The following CDK17 variants were observed in gnomAD, a reference collection of about 807,000 sequenced individuals.
The protein encoded by CDK17 is cyclin-dependent kinase 17.
A neutral mutation model predicts 77.6 loss-of-function variants in CDK17; 24 were observed. The observed-to-expected ratio is 0.31, with a 90% CI of 0.22 to 0.44. The LOEUF is 0.44. CDK17 is among the 20% of genes least tolerant of loss of function. The pLI is 1.00. For missense variants in CDK17, 429 were observed against 622.5 expected, an observed-to-expected ratio of 0.69 and a Z score of 3.31; for synonymous variants, 203 against 210.4, an observed-to-expected ratio of 0.96 and a Z score of 0.30.
intron 1 of CDK17, among the ~76,000 whole-genome samples, chr12:96,356,762 A>G (rs763338203): frequency 5.6e-4 from 86 of 152,262 alleles, no homozygotes; most frequent in Admixed American, 2.7e-3. Flanking sequence ...CATCATTTGT[A>G]TAAATAATCC....
chr12:96,354,817 G>A (rs1953369705), intron 1 of CDK17, among the ~76,000 whole-genome samples: 1 of 152,086 alleles, frequency 6.6e-6, no homozygotes, highest in Non-Finnish European at 1.5e-5. Flanking sequence ...CCAGAAGTTT[G>A]AGACTGCAAT....
Position 96,297,732 on chromosome 12 carries a change from G to C in CDK17, c.716-11C>G. Reference sequence around the variant, plus strand: ...CCTTTAATAGTGAAACTGCAAAACAGAAAAAGAAAATTGTTTAGTCTGTGG... The same window carrying C: ...CCTTTAATAGTGAAACTGCAAAACACAAAAAGAAAATTGTTTAGTCTGTGG... On this transcript the variant is annotated splice_polypyrimidine_tract_variant and intron_variant, in intron 7 of 16. Coordinates refer to ENST00000261211, the MANE Select transcript of CDK17 (RefSeq NM_002595.5). 3 of 1,421,602 alleles carry C rather than the reference G, an allele frequency of 2.1e-6. No homozygotes were observed. The highest frequency in any genetic ancestry group is 3.0e-6 in the Non-Finnish European group (3 of 1,015,098). The allele number at this position is 1,421,602 out of a possible 1,614,324, so 88.1% of individuals were successfully genotyped here.
intron 1 of CDK17, among the ~76,000 whole-genome samples, chr12:96,343,128 G>C (rs574301272): frequency 6.6e-6 from 1 of 152,304 alleles, no homozygotes; most frequent in African/African-American, 2.4e-5. Context: ...TATGACACTT[G>C]AGGTGTAAAA....
At chr12:96,355,994 T>C (rs1419984780) in intron 1 of CDK17, among the ~76,000 whole-genome samples, 1 of 152,214 alleles carries the variant, frequency 6.6e-6, no homozygotes, top group African/African-American at 2.4e-5. Flanking sequence ...GGTTTTCTCC[T>C]ATATATTAAA....
chr12:96,347,494 G>C (rs1372356998), intron 1 of CDK17, among the ~76,000 whole-genome samples: 1 of 150,146 alleles, frequency 6.7e-6, no homozygotes, highest in Non-Finnish European at 1.5e-5. Flanking sequence ...TTGAAGTTGG[G>C]AGGCAGAGTT....
At chr12:96,308,764 T>TAATAAC (rs1449272985) in intron 5 of CDK17, among the ~76,000 whole-genome samples, 9 of 148,934 alleles carry the variant, frequency 6.0e-5, no homozygotes, top group African/African-American at 1.7e-4. Flanking sequence ...ATAATAATAA[T>TAATAAC]AATGTAAAAA....
chr12:96,368,068 C>T (rs985584559), intron 1 of CDK17, among the ~76,000 whole-genome samples: 1 of 151,520 alleles, frequency 6.6e-6, no homozygotes, highest in African/African-American at 2.4e-5. Context: ...TTCATCTAGG[C>T]TGCATCTATA....
At chr12:96,297,968 A>G (rs1460631401) in intron 7 of CDK17, among the ~76,000 whole-genome samples, 1 of 151,892 alleles carries the variant, frequency 6.6e-6, no homozygotes, top group Admixed American at 6.6e-5. Context: ...AGTTTAAAGC[A>G]ATAATTTACC....
intron 1 of CDK17, among the ~76,000 whole-genome samples, chr12:96,338,197 G>A (rs1592737509): frequency 6.6e-6 from 1 of 152,174 alleles, no homozygotes. Flanking sequence ...AGACTCAGGT[G>A]AACTTCCCTG....
chr12:96,280,385 T>C lies in CDK17; in HGVS notation c.1535-106A>G, dbSNP rs1373314652. The C allele has an allele frequency of 2.7e-6, 4 of 1,507,958 alleles. No homozygotes were observed. The East Asian group carries it at 7.4e-5, about 28-fold the overall frequency. 93.4% of individuals were successfully genotyped at this position (1,507,958 alleles called of 1,614,324 possible). On this transcript the variant is annotated intron_variant, in intron 16 of 16. Coordinates refer to ENST00000261211, the MANE Select transcript of CDK17 (RefSeq NM_002595.5). ...ATGTTCCCACCAGCAAAAGCTAATATTCCATGGTAAGAGTGATCAGCACTG... is the reference window on the plus strand; with the variant it reads ...ATGTTCCCACCAGCAAAAGCTAATACTCCATGGTAAGAGTGATCAGCACTG...
chr12:96,342,061 G>T lies in CDK17; in HGVS notation c.-29-7196C>A, dbSNP rs193163694. 1.9e-3 allele frequency among the ~76,000 whole-genome samples: 291 copies of T among 152,262 alleles called. 1 individual carries two copies. Among genetic ancestry groups the T allele is most frequent in the African/African-American group, 6.4e-3 (265 of 41,562 alleles). The stretch of plus-strand genomic sequence containing the variant: ...CGTAGAACAAATCAAGTATTGTGAA[G>T]AATAAAATCTAGGATTTATTGGGAA... On this transcript the variant is annotated intron_variant, in intron 1 of 16. Transcript: ENST00000261211.
chr12:96,302,325 T>C (rs1438278671), intron 5 of CDK17, among the ~76,000 whole-genome samples: 1 of 150,348 alleles, frequency 6.7e-6, no homozygotes, highest in Non-Finnish European at 1.5e-5. Flanking sequence ...TATATATGTT[T>C]TATATAGCCT....
At chr12:96,343,911 A>T (rs1953160064) in intron 1 of CDK17, among the ~76,000 whole-genome samples, 1 of 152,238 alleles carries the variant, frequency 6.6e-6, no homozygotes, top group Non-Finnish European at 1.5e-5. Flanking sequence ...CAAAAATGTT[A>T]AATCAACTGT....
At chr12:96,364,892 C>T (rs2137195806) in intron 1 of CDK17, among the ~76,000 whole-genome samples, 2 of 152,262 alleles carry the variant, frequency 1.3e-5, no homozygotes, top group East Asian at 3.9e-4. Context: ...GAAGACCTCA[C>T]AAATATGAGA....
intron 5 of CDK17, among the ~76,000 whole-genome samples, chr12:96,304,213 G>C (rs1952545777): frequency 6.6e-6 from 1 of 152,140 alleles, no homozygotes; most frequent in East Asian, 1.9e-4. Flanking sequence ...AGGATCCATA[G>C]ATGACATTTT....
intron 1 of CDK17, among the ~76,000 whole-genome samples, chr12:96,354,434 CTA>C (rs1953364045): frequency 6.6e-6 from 1 of 152,200 alleles, no homozygotes; most frequent in Admixed American, 6.5e-5. Context: ...TGGATGGTAA[CTA>C]TAGTCTAACA....
At chr12:96,328,824 G>A (rs1205256315) in intron 2 of CDK17, among the ~76,000 whole-genome samples, 2 of 152,136 alleles carry the variant, frequency 1.3e-5, no homozygotes, top group Non-Finnish European at 2.9e-5. Flanking sequence ...ATATATGGTA[G>A]TTGAAATTGT....
intron 1 of CDK17, among the ~76,000 whole-genome samples, chr12:96,391,629 C>G (rs897014920): frequency 6.6e-6 from 1 of 152,306 alleles, no homozygotes; most frequent in African/African-American, 2.4e-5. Context: ...TCCTGATACA[C>G]TGACCAATAT....
At chr12:96,333,863 C>T (rs1296257288) in intron 2 of CDK17, among the ~76,000 whole-genome samples, 6 of 152,050 alleles carry the variant, frequency 3.9e-5, no homozygotes, top group African/African-American at 1.4e-4. Context: ...AAACTGAAGC[C>T]TGGGTAGAAT....
Sources: gnomAD v4.1 joint callset for allele counts (sites outside exome capture counted in the v4.1 genomes callset) on GRCh38, gnomAD v4.1.1 for gene constraint, MANE v1.5 for transcripts, NCBI Gene and HGNC (gene_info 2026-07-23, HGNC 2026-07-21) for gene names.